The following FASTKD2 variants were observed in gnomAD, a reference collection of about 807,000 sequenced individuals.
The protein encoded by FASTKD2 is FAST kinase domain-containing protein 2, mitochondrial.
Under a neutral mutation model 63.6 loss-of-function variants are expected in FASTKD2, and 51 were observed. That is an observed-to-expected ratio of 0.80 (90% CI 0.64 to 1.01). The LOEUF (loss-of-function observed/expected upper bound fraction) is 1.01. Ranked by LOEUF, FASTKD2 falls within the 50% of genes least tolerant of loss-of-function variation. The pLI, the probability that FASTKD2 is intolerant of heterozygous loss-of-function variation, is 0.00. For synonymous variants in FASTKD2, 284 were observed against 293.4 expected (o/e 0.97, Z 0.33); for missense variants, 786 against 831.1 (o/e 0.95, Z 0.67).
rs143718352 is a variant in FASTKD2 at position 206,782,216 on chromosome 2, G to A, written c.1428-4517G>A. ...TCCAAGGGAGAAGTCCTAGGCCAAG[G>A]TGATCTCCTTGGTGCTGAGCTGTGC... On this transcript the variant is annotated intron_variant, in intron 7 of 11. Transcript: ENST00000402774. 2.3e-3 allele frequency among the ~76,000 whole-genome samples: 348 copies of A among 152,304 alleles called. 2 individuals are homozygous for A. The highest frequency in any genetic ancestry group is 7.9e-3 in the African/African-American group (328 of 41,576).
chr2:206,770,121 C>G lies in FASTKD2; in HGVS notation c.808C>G (p.Leu270Val), dbSNP rs1028387550. Residue 270 changes from leucine to valine, a missense_variant, in exon 3 of 12, where the codon CTT becomes GTT. Coordinates refer to ENST00000402774, the MANE Select transcript of FASTKD2 (RefSeq NM_001136193.2). ...TATCAATGAGTGTGATGAGATATGC[C>G]TTTCAGTTTTGTCAACTGTTTTAGA... ...ERINECDEIC[L>V]SVLSTVLEAM... 1.2e-6 allele frequency: 2 copies of G among 1,609,916 alleles called. No homozygotes were observed. The highest frequency in any genetic ancestry group is 2.7e-5 in the African/African-American group (2 of 74,854).
chr2:206,778,930 T>C (rs990617178), intron 7 of FASTKD2, among the ~76,000 whole-genome samples: 1 of 152,176 alleles, frequency 6.6e-6, no homozygotes, highest in African/African-American at 2.4e-5. Flanking sequence ...TTGTCTTCCA[T>C]GAAACCAGTG....
chr2:206,774,111 A>G, intron 6 of FASTKD2, 114 bp from the exon 7 acceptor site: 1 of 682,928 alleles, frequency 1.5e-6, no homozygotes, highest in Non-Finnish European at 2.6e-6. Flanking sequence ...GTTTCAGGAT[A>G]TATTCTGTTG....
intron 2 of FASTKD2, among the ~76,000 whole-genome samples, chr2:206,767,691 A>G (rs1319266865): frequency 1.3e-5 from 2 of 152,190 alleles, no homozygotes; most frequent in African/African-American, 4.8e-5. Context: ...CACATTTACC[A>G]TCCCCAGGGT....
Position 206,787,999 on chromosome 2 carries a change from GTCTA to G in FASTKD2, c.1661_1664del (p.Tyr554Ter). 6.2e-7 allele frequency: 1 copy of G among 1,613,592 alleles called. No homozygotes were observed. Among genetic ancestry groups the G allele is most frequent in the Non-Finnish European group, 8.5e-7 (1 of 1,179,660 alleles). On this transcript the variant is annotated frameshift_variant, in exon 9 of 12. Transcript: ENST00000402774. LOFTEE classifies it high-confidence loss of function. ...TACTTGTCTAAAACTTGATGATACT[GTCTA>G]TCTGAGGGACATAGCCTTGTCACTC...
chr2:206,791,104 A>G (rs183060591), intron 11 of FASTKD2: 2 of 231,384 alleles, frequency 8.6e-6, no homozygotes, highest in Non-Finnish European at 8.6e-6. Flanking sequence ...GGATGGTTTT[A>G]AGAAGATGGG....
intron 7 of FASTKD2, among the ~76,000 whole-genome samples, chr2:206,780,043 T>G (rs1404624698): frequency 1.3e-5 from 2 of 152,266 alleles, no homozygotes; most frequent in Non-Finnish European, 2.9e-5. Context: ...ACTTTGTTAT[T>G]GATGTGACAG....
At chr2:206,771,038 C>T in intron 3 of FASTKD2, 144 bp from the exon 4 acceptor site, 1 of 629,852 alleles carries the variant, frequency 1.6e-6, no homozygotes, top group Non-Finnish European at 2.8e-6. Context: ...TCTTTAACTA[C>T]TTACACTCTC....
intron 4 of FASTKD2, 121 bp from the exon 5 acceptor site, chr2:206,771,773 G>A (rs1689689270): frequency 1.4e-6 from 1 of 732,142 alleles, no homozygotes; most frequent in Non-Finnish European, 2.3e-6. Context: ...AGGATCACTT[G>A]AGCCTGGGAG....
Position 206,771,293 on chromosome 2 carries a change from A to C in FASTKD2, c.990+3A>C. 1 of 1,534,864 alleles carries C rather than the reference A, an allele frequency of 6.5e-7. No homozygotes were observed. The highest frequency in any genetic ancestry group is 9.0e-7 in the Non-Finnish European group (1 of 1,107,586). ...TTGCTCTTAAGAGGAAACTGGAGGT[A>C]AACACATGAATTTTCTCTAGTGGAT... On this transcript the variant is annotated splice_donor_region_variant and intron_variant, in intron 4 of 11. Transcript: ENST00000402774.
At chr2:206,784,840 T>G (rs752224806) in intron 7 of FASTKD2, among the ~76,000 whole-genome samples, 1 of 152,228 alleles carries the variant, frequency 6.6e-6, no homozygotes, top group Admixed American at 6.5e-5. Flanking sequence ...AGGAGAAAGA[T>G]GAATAAGACA....
In FASTKD2 at chr2:206,792,599, A is replaced by G. The variant is rs1221912979; in HGVS notation, c.*797A>G. ...ACTATTTTGTTCAATATGCCTGTCTACCTAGTATTTGGCTCGCTGGGGATA... is the reference window on the plus strand; with the variant it reads ...ACTATTTTGTTCAATATGCCTGTCTGCCTAGTATTTGGCTCGCTGGGGATA... On this transcript the variant is annotated 3_prime_UTR_variant, in exon 12 of 12. Coordinates refer to ENST00000402774, the MANE Select transcript of FASTKD2 (RefSeq NM_001136193.2). The G allele has an allele frequency of 6.6e-6, 1 of 152,176 alleles. No individual in the cohort carries two copies. Among genetic ancestry groups the G allele is most frequent in the Non-Finnish European group, 1.5e-5 (1 of 68,064 alleles). 9.4% of individuals were successfully genotyped at this position (152,176 alleles called of 1,614,324 possible). A position where few individuals can be genotyped will look rare whatever the true frequency, so the allele number is the denominator to read the frequency against.
At chr2:206,772,462 G>T in intron 6 of FASTKD2, 142 bp downstream of exon 6, 1 of 845,442 alleles carries the variant, frequency 1.2e-6, no homozygotes, top group Admixed American at 2.2e-5. Flanking sequence ...TGAAAAATTA[G>T]CTCCTTATTA....
chr2:206,774,420 CT>C, intron 7 of FASTKD2, 23 bp downstream of exon 7: 7 of 1,474,800 alleles, frequency 4.7e-6, no homozygotes, highest in African/African-American at 1.4e-5. Context: ...TTTTTTTTAC[CT>C]TTTTTATTGC....
chr2:206,791,363 T>A (rs1223250913), intron 11 of FASTKD2: 2 of 307,738 alleles, frequency 6.5e-6, no homozygotes, highest in Non-Finnish European at 1.2e-5. Context: ...TTAAGATGAC[T>A]CCTTTCTCTT....
Position 206,792,959 on chromosome 2 carries a change from T to C in FASTKD2, c.*1157T>C, listed in dbSNP as rs1690328497. Among the ~76,000 whole-genome samples the C allele has an allele frequency of 6.6e-6, 1 of 152,156 alleles. No individual in the cohort carries two copies. Among genetic ancestry groups the C allele is most frequent in the Non-Finnish European group, 1.5e-5 (1 of 68,028 alleles). On this transcript the variant is annotated 3_prime_UTR_variant, in exon 12 of 12. Transcript: ENST00000402774. ...CAAAAACTGGGCTGGGCACGGTGGC[T>C]CGTGCTTGTCATCCCAGCACTTGGG...
chr2:206,779,486 G>A (rs144635593), intron 7 of FASTKD2, among the ~76,000 whole-genome samples: 241 of 152,212 alleles, frequency 1.6e-3, no homozygotes, highest in Admixed American at 2.1e-3. Flanking sequence ...CAATTATGGC[G>A]GAAGGCAAAG....
chr2:206,791,319 G>T (rs1690280208), intron 11 of FASTKD2: 2 of 235,164 alleles, frequency 8.5e-6, no homozygotes, highest in South Asian at 1.2e-4. Context: ...TTATACTTTA[G>T]TATTGGAAAT....
rs770889097 is a variant in FASTKD2 at position 206,767,223 on chromosome 2, C to G, written c.530C>G (p.Pro177Arg). ...GTGTTAGATGCATTTTCAAAAGCGC[C>G]CACATTTCCTAGTAGCAACTATTTC... ...SDVLDAFSKAPTFPSSNYFTA... is the reference protein window; with the variant it reads ...SDVLDAFSKARTFPSSNYFTA... Residue 177 changes from proline (P) to arginine (R), a missense_variant, in exon 2 of 12, where the codon CCC becomes CGC. By Grantham distance (103) the Pro-to-Arg change is moderately radical. Coordinates refer to ENST00000402774, the MANE Select transcript of FASTKD2 (RefSeq NM_001136193.2). 6.2e-7 allele frequency: 1 copy of G among 1,614,172 alleles called. No homozygotes were observed.
Sources: gnomAD v4.1 joint callset for allele counts (sites outside exome capture counted in the v4.1 genomes callset) on GRCh38, gnomAD v4.1.1 for gene constraint, MANE v1.5 for transcripts, NCBI Gene and HGNC (gene_info 2026-07-23, HGNC 2026-07-21) for gene names.